EPHA6: variants seen among roughly 807,000 people sequenced by gnomAD.
The protein encoded by EPHA6 is EPH receptor A6, also known as ephrin type-A receptor 6.
Under a neutral mutation model 112.0 loss-of-function variants are expected in EPHA6, and 50 were observed. That is an observed-to-expected ratio of 0.45 (90% CI 0.36 to 0.56). The LOEUF (loss-of-function observed/expected upper bound fraction) is 0.56, where lower values mean the gene tolerates loss of function less well. Ranked by LOEUF, EPHA6 falls within the 20% of genes least tolerant of loss-of-function variation. EPHA6 has a pLI of 0.00. For synonymous variants in EPHA6, 529 were observed against 490.7 expected (o/e 1.08, Z -1.03); for missense variants, 1,280 against 1,417.4 (o/e 0.90, Z 1.56).
In EPHA6 at chr3:97,325,686, C is replaced by T. The variant is rs541739761; in HGVS notation, c.1607-79464C>T. On this transcript the variant is annotated intron_variant, in intron 5 of 17. Coordinates refer to ENST00000389672, the MANE Select transcript of EPHA6 (RefSeq NM_001080448.3). The stretch of plus-strand genomic sequence containing the variant: ...CTCACTTCAGCCTTGTTTCCTTTGG[C>T]TTCTGATAATTTTTGGTATGTTCAT... 6.6e-5 allele frequency among the ~76,000 whole-genome samples: 10 copies of T among 152,192 alleles called. No individual in the cohort carries two copies. In the East Asian group the frequency reaches 1.9e-3, roughly 29 times the overall value.
chr3:97,329,758 T>G (rs1275910714), intron 5 of EPHA6, among the ~76,000 whole-genome samples: 1 of 152,154 alleles, frequency 6.6e-6, no homozygotes, highest in Non-Finnish European at 1.5e-5. Flanking sequence ...TTTCTCCCAT[T>G]CTGTAGGTTG....
At position 96,944,325 on chromosome 3, in the gene EPHA6, CT is replaced by C. The variant is rs1224597020; in HGVS notation, c.451-42994del. On this transcript the variant is annotated intron_variant, in intron 2 of 17. Coordinates refer to ENST00000389672, the MANE Select transcript of EPHA6 (RefSeq NM_001080448.3). The stretch of plus-strand genomic sequence containing the variant: ...ACAATTGTATCACTTATATATTTCC[CT>C]TTTTTTTTTTCTTTTAAATTTCTCT... Among the ~76,000 whole-genome samples, 958 of 147,354 alleles carry C rather than the reference CT, an allele frequency of 6.5e-3. 5 individuals are homozygous for C. The highest frequency in any genetic ancestry group is 0.017 in the African/African-American group (685 of 40,408).
chr3:96,982,053 C>G (rs1344924406), intron 2 of EPHA6, among the ~76,000 whole-genome samples: 5 of 152,022 alleles, frequency 3.3e-5, no homozygotes, highest in Admixed American at 6.6e-5. Context: ...TCTCTATCTC[C>G]TTCAGTTCTT....
intron 5 of EPHA6, among the ~76,000 whole-genome samples, chr3:97,303,488 G>T (rs1330306502): frequency 6.6e-6 from 1 of 151,928 alleles, no homozygotes; most frequent in Non-Finnish European, 1.5e-5. Context: ...AGGGAACTTG[G>T]CTTACACAAT....
At chr3:96,944,683 C>T (rs1165936652) in intron 2 of EPHA6, among the ~76,000 whole-genome samples, 1 of 152,152 alleles carries the variant, frequency 6.6e-6, no homozygotes, top group Admixed American at 6.5e-5. Flanking sequence ...TCGATATTAC[C>T]TATCTTTCTA....
rs567503324 is a variant in EPHA6 at position 97,234,572 on chromosome 3, C to T, written c.1270+8153C>T. ...TTGTCCTGTTATTCATGACACTTAT[C>T]CTGTTGATCATTCTTTTTTTCTTGC... On this transcript the variant is annotated intron_variant, in intron 4 of 17. Coordinates refer to ENST00000389672, the MANE Select transcript of EPHA6 (RefSeq NM_001080448.3). Among the ~76,000 whole-genome samples, 90 of 152,148 alleles carry T rather than the reference C, an allele frequency of 5.9e-4. No homozygotes were observed. In the South Asian group the frequency reaches 7.3e-3, roughly 12 times the overall value.
At chr3:97,638,497 G>A (rs1272650685) in intron 14 of EPHA6, among the ~76,000 whole-genome samples, 1 of 152,128 alleles carries the variant, frequency 6.6e-6, no homozygotes, top group Non-Finnish European at 1.5e-5. Flanking sequence ...TTTCCAAATG[G>A]TTTTGAATGA....
chr3:97,014,239 T>C (rs2044189868), intron 3 of EPHA6, among the ~76,000 whole-genome samples: 1 of 152,144 alleles, frequency 6.6e-6, no homozygotes, highest in Non-Finnish European at 1.5e-5. Flanking sequence ...AAGTAAGGAT[T>C]TGGAAAAATT....
intron 5 of EPHA6, among the ~76,000 whole-genome samples, chr3:97,307,487 A>T (rs1482780478): frequency 1.3e-5 from 2 of 151,780 alleles, no homozygotes; most frequent in Non-Finnish European, 2.9e-5. Flanking sequence ...TCCCCATCAG[A>T]ATATAATACA....
chr3:97,249,841 A>G (rs979389147), intron 5 of EPHA6, among the ~76,000 whole-genome samples: 19 of 152,174 alleles, frequency 1.2e-4, no homozygotes, highest in African/African-American at 4.6e-4. Context: ...ATATTTATTG[A>G]CTGTTTAGCT....
At position 97,753,902 on chromosome 3, in the gene EPHA6, CT is replaced by C. The variant is rs1396701085; in HGVS notation, c.*5208del. Among the ~76,000 whole-genome samples the C allele has an allele frequency of 6.6e-6, 1 of 151,824 alleles. No individual in the cohort carries two copies. The highest frequency in any genetic ancestry group is 2.4e-5 in the African/African-American group (1 of 41,450). On this transcript the variant is annotated 3_prime_UTR_variant, in exon 18 of 18. Coordinates refer to ENST00000389672, the MANE Select transcript of EPHA6 (RefSeq NM_001080448.3). ...AAAGATTTCTCAGGATAAAAATTAA[CT>C]TTTTTTGTTATAAGTGGATGTGGCA... is the stretch of plus-strand genomic sequence containing the variant.
At chr3:97,256,037 C>T (rs1389437104) in intron 5 of EPHA6, among the ~76,000 whole-genome samples, 1 of 151,982 alleles carries the variant, frequency 6.6e-6, no homozygotes, top group African/African-American at 2.4e-5. Context: ...TTTCTGAAGA[C>T]CTTTTCTTAT....
At chr3:97,070,009 A>G (rs1432572945) in intron 3 of EPHA6, among the ~76,000 whole-genome samples, 1 of 152,026 alleles carries the variant, frequency 6.6e-6, no homozygotes, top group Non-Finnish European at 1.5e-5. Flanking sequence ...TTTTCCTGGG[A>G]AGCTCTGCCA....
At chr3:96,820,819 C>T (rs1203730164) in intron 1 of EPHA6, among the ~76,000 whole-genome samples, 5 of 151,786 alleles carry the variant, frequency 3.3e-5, no homozygotes, top group Admixed American at 6.6e-5. Flanking sequence ...TGTCAGCGAA[C>T]GACTGTACAA....
At chr3:97,133,146 T>C (rs1014166321) in intron 3 of EPHA6, among the ~76,000 whole-genome samples, 2 of 152,058 alleles carry the variant, frequency 1.3e-5, no homozygotes, top group African/African-American at 4.8e-5. Context: ...ACGTAGATCA[T>C]AGGCACATGA....
intron 3 of EPHA6, among the ~76,000 whole-genome samples, chr3:97,222,929 G>A (rs1242656592): frequency 6.6e-6 from 1 of 152,140 alleles, no homozygotes; most frequent in Non-Finnish European, 1.5e-5. Flanking sequence ...AGTCAGAATG[G>A]CCCTCTTAAA....
At chr3:97,520,177 C>T (rs1011564611) in intron 10 of EPHA6, among the ~76,000 whole-genome samples, 1 of 152,034 alleles carries the variant, frequency 6.6e-6, no homozygotes, top group Non-Finnish European at 1.5e-5. Context: ...CTGTGTTAGC[C>T]AGGATGGTCT....
chr3:97,163,731 A>G (rs1296862105), intron 3 of EPHA6, among the ~76,000 whole-genome samples: 1 of 152,188 alleles, frequency 6.6e-6, no homozygotes, highest in African/African-American at 2.4e-5. Flanking sequence ...CTTTCATGCC[A>G]GGGAGGCATC....
At chr3:97,168,595 G>C (rs149116325) in intron 3 of EPHA6, among the ~76,000 whole-genome samples, 4,514 of 136,496 alleles carry the variant, frequency 0.033, 75 homozygotes, top group African/African-American at 0.042. Flanking sequence ...CTCTCTCTCT[G>C]TGTGTCTCTC....
Sources: allele counts gnomAD v4.1 joint callset (sites outside exome capture counted in the v4.1 genomes callset), GRCh38; gene constraint gnomAD v4.1.1; transcripts MANE v1.5; gene names NCBI Gene and HGNC (gene_info 2026-07-23, HGNC 2026-07-21).